ADAMTS17: variants seen among roughly 807,000 people sequenced by gnomAD.
ADAMTS17 encodes A disintegrin and metalloproteinase with thrombospondin motifs 17.
ADAMTS17 carries 113 observed loss-of-function variants against 141.5 expected under a neutral mutation model. The observed-to-expected ratio is 0.80, with a 90% CI of 0.69 to 0.93. The LOEUF (loss-of-function observed/expected upper bound fraction) is 0.93. Among genes scored for constraint, ADAMTS17 ranks in the 40% least tolerant of loss-of-function variants. The probability of loss-of-function intolerance (pLI) is 0.00; values close to 1 mark genes in which losing one functional copy is unlikely to be tolerated. For missense variants in ADAMTS17, 1,659 were observed against 1,517.9 expected (o/e 1.09, Z -1.54); for synonymous variants, 768 against 630.6 (o/e 1.22, Z -3.27).
chr15:100,130,394 G>A (rs1253994556), intron 12 of ADAMTS17, among the ~76,000 whole-genome samples: 3 of 151,132 alleles, frequency 2.0e-5, no homozygotes, highest in East Asian at 1.9e-4. Flanking sequence ...ATTCCTAACA[G>A]ACTAAACACC....
intron 15 of ADAMTS17, among the ~76,000 whole-genome samples, chr15:100,075,471 T>C (rs1317820205): frequency 2.0e-5 from 3 of 152,220 alleles, no homozygotes; most frequent in Admixed American, 2.0e-4. Context: ...GTTGAGGTCA[T>C]ACTTGCTTTC....
intron 20 of ADAMTS17, among the ~76,000 whole-genome samples, chr15:99,984,971 G>C (rs2060555724): frequency 6.6e-6 from 1 of 152,238 alleles, no homozygotes; most frequent in African/African-American, 2.4e-5. Flanking sequence ...GGAGGCACTG[G>C]CCTTTGGACC....
intron 20 of ADAMTS17, among the ~76,000 whole-genome samples, chr15:99,987,883 G>A (rs1356507542): frequency 6.6e-6 from 1 of 152,120 alleles, no homozygotes; most frequent in Admixed American, 6.5e-5. Flanking sequence ...AGGGTGGGTG[G>A]TGAGGTCCAC....
intron 12 of ADAMTS17, among the ~76,000 whole-genome samples, chr15:100,117,473 T>A (rs2037211168): frequency 6.6e-6 from 1 of 152,160 alleles, no homozygotes; most frequent in African/African-American, 2.4e-5. Flanking sequence ...TCATTTACTT[T>A]ATAATGAAAA....
At chr15:100,299,886 C>G (rs949946254) in intron 3 of ADAMTS17, among the ~76,000 whole-genome samples, 2 of 152,174 alleles carry the variant, frequency 1.3e-5, no homozygotes, top group Non-Finnish European at 2.9e-5. Context: ...TGTGTCCCCA[C>G]GCTGCTAGGT....
intron 18 of ADAMTS17, among the ~76,000 whole-genome samples, chr15:100,036,420 G>T (rs1013039265): frequency 1.6e-4 from 25 of 152,178 alleles, no homozygotes; most frequent in African/African-American, 5.3e-4. Flanking sequence ...CTTGAGAAGT[G>T]ACAATTAGGA....
At chr15:100,154,042 G>A (rs1230343112) in intron 9 of ADAMTS17, among the ~76,000 whole-genome samples, 2 of 152,174 alleles carry the variant, frequency 1.3e-5, no homozygotes, top group African/African-American at 2.4e-5. Flanking sequence ...TTATCCGGGT[G>A]TGGTGGCACG....
chr15:100,310,888 T>C lies in ADAMTS17; in HGVS notation c.616+20001A>G, dbSNP rs560732047. Among the ~76,000 whole-genome samples, 31 of 152,290 alleles carry C rather than the reference T, an allele frequency of 2.0e-4. No homozygotes were observed. The East Asian group carries it at 2.5e-3, about 12-fold the overall frequency. ...CAGGTTCCAGCAGGCAAATTCTCTG[T>C]CTGGTCGTGCACATGAAATTGCCTG... On this transcript the variant is annotated intron_variant, in intron 3 of 21. Coordinates refer to ENST00000268070, the MANE Select transcript of ADAMTS17 (RefSeq NM_139057.4).
At chr15:100,065,330 T>A in intron 15 of ADAMTS17, among the ~76,000 whole-genome samples, 1 of 152,204 alleles carries the variant, frequency 6.6e-6, no homozygotes, top group Non-Finnish European at 1.5e-5. Context: ...GTAATGTATG[T>A]ATAAGGTACA....
intron 18 of ADAMTS17, among the ~76,000 whole-genome samples, chr15:100,005,428 A>G (rs1381896818): frequency 6.6e-6 from 1 of 152,108 alleles, no homozygotes; most frequent in African/African-American, 2.4e-5. Flanking sequence ...TTCCAGCTCC[A>G]TGCTGCCCCA....
intron 10 of ADAMTS17, among the ~76,000 whole-genome samples, chr15:100,137,205 G>C (rs1199696175): frequency 1.3e-5 from 2 of 152,170 alleles, no homozygotes. Flanking sequence ...ACCAACGTAG[G>C]AATGGGAGTT....
At chr15:100,295,584 G>A (rs1398307068) in intron 3 of ADAMTS17, among the ~76,000 whole-genome samples, 1 of 152,142 alleles carries the variant, frequency 6.6e-6, no homozygotes, top group Non-Finnish European at 1.5e-5. Context: ...AAAGGTATAA[G>A]CCACAGCCCC....
At chr15:100,246,945 A>AC (rs1274173354) in intron 7 of ADAMTS17, among the ~76,000 whole-genome samples, 1 of 151,880 alleles carries the variant, frequency 6.6e-6, no homozygotes, top group African/African-American at 2.4e-5. Flanking sequence ...GTGCAATGGC[A>AC]CAATCTCGGC....
At chr15:100,231,945 GT>G (rs1338261568) in intron 7 of ADAMTS17, among the ~76,000 whole-genome samples, 1 of 152,216 alleles carries the variant, frequency 6.6e-6, no homozygotes, top group East Asian at 1.9e-4. Context: ...TCTTGGCATC[GT>G]CCTTAGTCTC....
At chr15:100,280,693 T>C (rs1485187669) in intron 4 of ADAMTS17, among the ~76,000 whole-genome samples, 1 of 152,176 alleles carries the variant, frequency 6.6e-6, no homozygotes, top group Non-Finnish European at 1.5e-5. Flanking sequence ...TAGGATGCCC[T>C]TGAAGGTCCT....
intron 7 of ADAMTS17, among the ~76,000 whole-genome samples, chr15:100,250,603 C>T (rs1047945475): frequency 1.3e-5 from 2 of 152,142 alleles, no homozygotes; most frequent in Admixed American, 6.5e-5. Context: ...TCTCAGCCGC[C>T]GTGGACTTCT....
intron 20 of ADAMTS17, among the ~76,000 whole-genome samples, chr15:99,983,036 A>G (rs2060512235): frequency 6.6e-6 from 1 of 152,194 alleles, no homozygotes; most frequent in South Asian, 2.1e-4. Context: ...TACTGTGTAA[A>G]AGAGATTTTC....
At chr15:100,113,092 A>G (rs959931728) in intron 13 of ADAMTS17, among the ~76,000 whole-genome samples, 1 of 152,028 alleles carries the variant, frequency 6.6e-6, no homozygotes, top group African/African-American at 2.4e-5. Context: ...AAGCTGCCCA[A>G]CCCGGCCCCC....
At chr15:100,186,006 G>A (rs1458471780) in intron 8 of ADAMTS17, among the ~76,000 whole-genome samples, 6 of 152,152 alleles carry the variant, frequency 3.9e-5, no homozygotes, top group Middle Eastern at 3.4e-3. Context: ...CCTACGGGAC[G>A]GTCAGTTTGT....
Sources: allele counts gnomAD v4.1 joint callset (sites outside exome capture counted in the v4.1 genomes callset), GRCh38; gene constraint gnomAD v4.1.1; transcripts MANE v1.5; gene names NCBI Gene and HGNC (gene_info 2026-07-23, HGNC 2026-07-21).